Variants in LRIG3 observed in about 807,000 individuals in gnomAD.
LRIG3 encodes the protein leucine-rich repeats and immunoglobulin-like domains protein 3.
A neutral mutation model predicts 114.5 loss-of-function variants in LRIG3; 76 were observed. The observed-to-expected ratio is 0.66, with a 90% CI of 0.55 to 0.80. The LOEUF is 0.80. Among genes scored for constraint, LRIG3 ranks in the 30% least tolerant of loss-of-function variants. LRIG3 has a pLI of 0.00. For synonymous variants in LRIG3, 512 were observed against 519.8 expected, an observed-to-expected ratio of 0.98 and a Z score of 0.20; for missense variants, 1,239 against 1,382.8, an observed-to-expected ratio of 0.90 and a Z score of 1.65.
chr12:58,902,339 G>C (rs550046189), intron 3 of LRIG3, among the ~76,000 whole-genome samples: 1 of 152,098 alleles, frequency 6.6e-6, no homozygotes, highest in East Asian at 1.9e-4. Flanking sequence ...GGTTAAAATT[G>C]CTCATGCACA....
chr12:58,899,648 C>A, intron 3 of LRIG3, among the ~76,000 whole-genome samples: 1 of 152,054 alleles, frequency 6.6e-6, no homozygotes, highest in East Asian at 1.9e-4. Flanking sequence ...TTCCATTTAT[C>A]TCTGATTCTC....
chr12:58,918,082 A>G (rs915681199), intron 1 of LRIG3, among the ~76,000 whole-genome samples: 3 of 152,238 alleles, frequency 2.0e-5, no homozygotes, highest in Non-Finnish European at 4.4e-5. Flanking sequence ...GTTAAAAGTC[A>G]CAGAAGTACA....
intron 3 of LRIG3, among the ~76,000 whole-genome samples, chr12:58,901,503 G>C (rs1871847705): frequency 6.6e-6 from 1 of 152,026 alleles, no homozygotes; most frequent in Non-Finnish European, 1.5e-5. Context: ...TTCAATTCCT[G>C]GGTCACACTA....
chr12:58,872,832 A>C lies in LRIG3; in HGVS notation c.3116-16T>G. 6.2e-7 allele frequency: 1 copy of C among 1,604,794 alleles called. No individual in the cohort carries two copies. On this transcript the variant is annotated splice_polypyrimidine_tract_variant and intron_variant, in intron 18 of 18. Transcript: ENST00000320743. ...CCAAAGGTACCTGAAAGAAAGAAAC[A>C]CCTTGAGCACATGGGTCCCTTTGCT...
intron 3 of LRIG3, among the ~76,000 whole-genome samples, chr12:58,899,965 G>A (rs1565620654): frequency 1.3e-5 from 2 of 152,168 alleles, no homozygotes; most frequent in South Asian, 4.1e-4. Flanking sequence ...GGCTGGGGGT[G>A]TTGCCTTCAG....
chr12:58,889,030 C>T, intron 5 of LRIG3, 68 bp from the exon 6 acceptor site: 1 of 1,447,986 alleles, frequency 6.9e-7, no homozygotes, highest in Non-Finnish European at 9.5e-7. Flanking sequence ...TAAAATGTGT[C>T]ATTACTACAA....
At chr12:58,889,836 G>A (rs1462308628) in intron 5 of LRIG3, among the ~76,000 whole-genome samples, 160 bp downstream of exon 5, 1 of 152,096 alleles carries the variant, frequency 6.6e-6, no homozygotes, top group Admixed American at 6.6e-5. Flanking sequence ...GATGTTTAAG[G>A]CTCTTTCCAA....
chr12:58,891,267 C>A (rs772093046), intron 3 of LRIG3, among the ~76,000 whole-genome samples: 13 of 151,962 alleles, frequency 8.6e-5, no homozygotes, highest in Non-Finnish European at 1.6e-4. Context: ...GTAAGTGCCA[C>A]CTCATCTCGC....
At chr12:58,895,439 G>C (rs530693421) in intron 3 of LRIG3, among the ~76,000 whole-genome samples, 10 of 152,284 alleles carry the variant, frequency 6.6e-5, no homozygotes, top group South Asian at 2.1e-4. Flanking sequence ...GCTCTAAGCC[G>C]AGGCAAAGAT....
intron 17 of LRIG3, 28 bp downstream of exon 17, chr12:58,874,402 A>G (rs760012002): frequency 3.1e-6 from 5 of 1,613,358 alleles, no homozygotes; most frequent in Non-Finnish European, 4.2e-6. Context: ...AAGAAACAGA[A>G]CTGTACTCAA....
At chr12:58,915,571 G>T (rs1872450057) in intron 1 of LRIG3, among the ~76,000 whole-genome samples, 1 of 151,918 alleles carries the variant, frequency 6.6e-6, no homozygotes, top group Admixed American at 6.6e-5. Context: ...AATCTGCAAG[G>T]TTTTATTTGA....
At chr12:58,889,869 C>A in intron 5 of LRIG3, 127 bp downstream of exon 5, 1 of 1,197,960 alleles carries the variant, frequency 8.3e-7, no homozygotes, top group Non-Finnish European at 1.2e-6. Context: ...ACAGCTCCAA[C>A]TCTCAAAGGA....
chr12:58,878,740 A>C, intron 14 of LRIG3, 84 bp downstream of exon 14: 1 of 1,472,210 alleles, frequency 6.8e-7, no homozygotes, highest in Admixed American at 1.9e-5. Context: ...TCTTACTCTC[A>C]CAACTTCTGA....
intron 3 of LRIG3, among the ~76,000 whole-genome samples, chr12:58,899,435 T>G (rs1308739793): frequency 6.6e-6 from 1 of 152,142 alleles, no homozygotes; most frequent in Admixed American, 6.5e-5. Context: ...CTTCCATACC[T>G]TTGTTTTTTG....
chr12:58,884,764 A>G (rs966487411), intron 10 of LRIG3, among the ~76,000 whole-genome samples: 1 of 152,178 alleles, frequency 6.6e-6, no homozygotes, highest in African/African-American at 2.4e-5. Context: ...CTTCACTCTC[A>G]ATACACAGCA....
At chr12:58,916,150 G>T (rs530429540) in intron 1 of LRIG3, among the ~76,000 whole-genome samples, 1 of 150,710 alleles carries the variant, frequency 6.6e-6, no homozygotes, top group African/African-American at 2.4e-5. Context: ...GAAATGAGAC[G>T]GAGTGCTTAA....
rs753414425 is a variant in LRIG3 at position 58,880,615 on chromosome 12, T to C, written c.1767A>G (p.Ser589=). 22 of 1,614,010 alleles carry C rather than the reference T, an allele frequency of 1.4e-5. No individual in the cohort carries two copies. In the South Asian group the frequency reaches 2.3e-4, roughly 17 times the overall value. ...YQCVISNHFG[S]SYSVKAKLTV... The stretch of plus-strand genomic sequence containing the variant: ...TAAGCTTGGCTTTGACAGAGTAGGA[T>C]GAACCAAAGTGATTGGAGATGACAC... The change falls in exon 13 of 19, where the codon TCA becomes TCG. Residue 589 remains serine (S), a synonymous_variant. Transcript: ENST00000320743.
In LRIG3 at chr12:58,881,847, C is replaced by T. The variant is rs928907944; in HGVS notation, c.1481-946G>A. Among the ~76,000 whole-genome samples, 8 of 152,068 alleles carry T rather than the reference C, an allele frequency of 5.3e-5. No homozygotes were observed. The South Asian group carries it at 1.5e-3, about 28-fold the overall frequency. On this transcript the variant is annotated intron_variant, in intron 12 of 18. Transcript: ENST00000320743. ...ATTCTGAAATTCTCATCTAATAAAT[C>T]GATGTTCAGATTCACAAGGAAGTGA...
At chr12:58,907,522 A>G (rs979151364) in intron 3 of LRIG3, among the ~76,000 whole-genome samples, 1 of 152,170 alleles carries the variant, frequency 6.6e-6, no homozygotes, top group African/African-American at 2.4e-5. Flanking sequence ...CACTGCCTCC[A>G]GTCTCTGCTC....
Sources: allele counts gnomAD v4.1 joint callset (sites outside exome capture counted in the v4.1 genomes callset), GRCh38; gene constraint gnomAD v4.1.1; transcripts MANE v1.5; gene names NCBI Gene and HGNC (gene_info 2026-07-23, HGNC 2026-07-21).